ENTREP2: variants seen among roughly 807,000 people sequenced by gnomAD.
ENTREP2 encodes endosomal transmembrane epsin interactor 2, also known as protein ENTREP2.
chr15:29,566,888 C>T, the ENTREP2 span, among the ~76,000 whole-genome samples: 5 of 145,912 alleles, frequency 3.4e-5, no homozygotes, highest in South Asian at 4.2e-4. Flanking sequence ...GAGTCAGCTT[C>T]CAATGGCTAC....
the ENTREP2 span, among the ~76,000 whole-genome samples, chr15:29,502,342 A>G: frequency 6.6e-6 from 1 of 152,014 alleles, no homozygotes; most frequent in African/African-American, 2.4e-5. Context: ...TTCAATAAGG[A>G]AAGAATAATT....
At chr15:29,326,662 T>C in the ENTREP2 span, among the ~76,000 whole-genome samples, 30 of 152,188 alleles carry the variant, frequency 2.0e-4, no homozygotes, top group African/African-American at 6.3e-4. Context: ...ATAAATCCAA[T>C]GCAACCCTAA....
At chr15:29,526,679 A>G in the ENTREP2 span, among the ~76,000 whole-genome samples, 2 of 151,852 alleles carry the variant, frequency 1.3e-5, no homozygotes, top group African/African-American at 2.4e-5. Flanking sequence ...GATATTGCCC[A>G]GGCTGGTCTC....
chr15:29,572,474 A>G, the ENTREP2 span, among the ~76,000 whole-genome samples: 1 of 151,956 alleles, frequency 6.6e-6, no homozygotes, highest in Admixed American at 6.5e-5. Flanking sequence ...TCCCCCATTC[A>G]TTCATTCATT....
the ENTREP2 span, among the ~76,000 whole-genome samples, chr15:29,131,472 A>G: frequency 0.66 from 99,647 of 150,106 alleles, 33,750 homozygotes; most frequent in East Asian, 0.96. Context: ...TGACATCCAA[A>G]GCCATAAAAT....
the ENTREP2 span, among the ~76,000 whole-genome samples, chr15:29,430,298 C>T: frequency 6.6e-6 from 1 of 152,104 alleles, no homozygotes; most frequent in Non-Finnish European, 1.5e-5. Context: ...CAGCCCTGGC[C>T]CCTCTCGATG....
chr15:29,366,328 G>A, the ENTREP2 span, among the ~76,000 whole-genome samples: 1 of 152,160 alleles, frequency 6.6e-6, no homozygotes. Flanking sequence ...ACCCGCCTCG[G>A]CCTCCCAAAC....
chr15:29,140,107 C>G, the ENTREP2 span, among the ~76,000 whole-genome samples: 4,557 of 152,290 alleles, frequency 0.03, 212 homozygotes, highest in African/African-American at 0.098. Context: ...GCCCTCCGCA[C>G]TTATTCCACT....
At chr15:29,337,507 A>C in the ENTREP2 span, among the ~76,000 whole-genome samples, 1 of 152,208 alleles carries the variant, frequency 6.6e-6, no homozygotes, top group Non-Finnish European at 1.5e-5. Flanking sequence ...GGTTACAGTG[A>C]GATTGTATTA....
chr15:29,433,199 G>A, the ENTREP2 span, among the ~76,000 whole-genome samples: 1 of 152,172 alleles, frequency 6.6e-6, no homozygotes, highest in African/African-American at 2.4e-5. Context: ...CAGCATCACA[G>A]GTGGGTGAGT....
the ENTREP2 span, among the ~76,000 whole-genome samples, chr15:29,355,344 C>T: frequency 6.6e-6 from 1 of 152,062 alleles, no homozygotes; most frequent in Non-Finnish European, 1.5e-5. Context: ...AGGACAGAGC[C>T]CCTGTATCAT....
the ENTREP2 span, among the ~76,000 whole-genome samples, chr15:29,478,007 A>T: frequency 8.8e-4 from 65 of 73,588 alleles, 4 homozygotes; most frequent in African/African-American, 2.8e-3. Context: ...ATATATATAT[A>T]TATATATATA....
At chr15:29,406,281 A>G in the ENTREP2 span, among the ~76,000 whole-genome samples, 3 of 152,200 alleles carry the variant, frequency 2.0e-5, no homozygotes, top group Admixed American at 6.5e-5. Context: ...AAAGATAAAC[A>G]TAAGCCTGTA....
chr15:29,370,240 T>C, the ENTREP2 span, among the ~76,000 whole-genome samples: 2 of 152,232 alleles, frequency 1.3e-5, no homozygotes, highest in South Asian at 4.1e-4. Flanking sequence ...ACACTGTCTA[T>C]AAGAGATTCA....
chr15:29,655,697 G>T, the ENTREP2 span, among the ~76,000 whole-genome samples: 5 of 151,904 alleles, frequency 3.3e-5, no homozygotes, highest in Non-Finnish European at 5.9e-5. Context: ...CTATGAGAAA[G>T]AATCAAATGG....
At chr15:29,188,279 T>C in the ENTREP2 span, among the ~76,000 whole-genome samples, 2 of 152,204 alleles carry the variant, frequency 1.3e-5, no homozygotes, top group African/African-American at 2.4e-5. Flanking sequence ...AGTTTTGGGA[T>C]ACATGTGCAG....
chr15:29,250,860 G>A, the ENTREP2 span, among the ~76,000 whole-genome samples: 2 of 152,288 alleles, frequency 1.3e-5, no homozygotes, highest in Admixed American at 6.5e-5. Flanking sequence ...ACACCATACC[G>A]AGAATACTTC....
chr15:29,211,913 T>G, the ENTREP2 span, among the ~76,000 whole-genome samples: 1 of 152,226 alleles, frequency 6.6e-6, no homozygotes, highest in African/African-American at 2.4e-5. Context: ...TCTATGTTCA[T>G]CAAGAATATA....
At chr15:29,396,561 T>C in the ENTREP2 span, among the ~76,000 whole-genome samples, 2 of 152,234 alleles carry the variant, frequency 1.3e-5, no homozygotes, top group African/African-American at 2.4e-5. Context: ...ATTCTGTGGG[T>C]TGCCTGTTTA....
Sources: allele counts gnomAD v4.1 joint callset (sites outside exome capture counted in the v4.1 genomes callset), GRCh38; gene constraint gnomAD v4.1.1; transcripts MANE v1.5; gene names NCBI Gene and HGNC (gene_info 2026-07-23, HGNC 2026-07-21).